Variants in SKIC2 observed in about 807,000 individuals in gnomAD.
The protein encoded by SKIC2 is SKI2 subunit of superkiller complex, also known as superkiller complex protein 2.
chr6:31,968,689 C>A, the SKIC2 span: 77 of 1,612,150 alleles, frequency 4.8e-5, 4 homozygotes, highest in African/African-American at 4.9e-4. The surrounding 1 kb of genome is among the most constrained non-coding windows in gnomAD (Gnocchi z 6.1). Flanking sequence ...TCTGCAGTAC[C>A]TGAAGCTGCG....
the SKIC2 span, chr6:31,969,388 G>A: frequency 6.2e-7 from 1 of 1,614,224 alleles, no homozygotes; most frequent in Non-Finnish European, 8.5e-7. This position sits in a 1 kb window ranked among gnomAD's most constrained non-coding sequence, Gnocchi z 6.1. Context: ...TTTTGGGCTG[G>A]TTGAGGTTGT....
chr6:31,969,062 G>A, the SKIC2 span: 1 of 1,611,668 alleles, frequency 6.2e-7, no homozygotes, highest in Non-Finnish European at 8.5e-7. This position sits in a 1 kb window ranked among gnomAD's most constrained non-coding sequence, Gnocchi z 6.1. Context: ...GGGACGCTGG[G>A]GATCAGCTCC....
At chr6:31,963,494 C>G in the SKIC2 span, 5 of 1,612,074 alleles carry the variant, frequency 3.1e-6, no homozygotes, top group Non-Finnish European at 4.2e-6. The surrounding 1 kb of genome is among the most constrained non-coding windows in gnomAD (Gnocchi z 5.3). Flanking sequence ...TCACAGGGAA[C>G]AGCTCCAAGA....
chr6:31,968,958 C>T, the SKIC2 span: 1 of 1,612,966 alleles, frequency 6.2e-7, no homozygotes, highest in East Asian at 2.2e-5. The surrounding 1 kb of genome is among the most constrained non-coding windows in gnomAD (Gnocchi z 6.1). Flanking sequence ...CCATGAGTTG[C>T]TCCTCACTGA....
chr6:31,962,921 C>T, the SKIC2 span: 1 of 1,385,180 alleles, frequency 7.2e-7, no homozygotes, highest in Non-Finnish European at 1.0e-6. The surrounding 1 kb of genome is among the most constrained non-coding windows in gnomAD (Gnocchi z 5.0). Flanking sequence ...GAATCCTGTG[C>T]CTCTTTATGG....
chr6:31,960,791 C>G, the SKIC2 span: 1 of 1,304,958 alleles, frequency 7.7e-7, no homozygotes, highest in Non-Finnish European at 1.1e-6. Flanking sequence ...CCCAGGCTAT[C>G]ACTGGGCTAC....
the SKIC2 span, chr6:31,961,872 C>T: frequency 6.2e-7 from 1 of 1,609,478 alleles, no homozygotes. Flanking sequence ...AGGCCCCGCT[C>T]CTTTCTTCAG....
the SKIC2 span, chr6:31,969,243 A>T: frequency 6.2e-7 from 1 of 1,610,908 alleles, no homozygotes; most frequent in Non-Finnish European, 8.5e-7. This position sits in a 1 kb window ranked among gnomAD's most constrained non-coding sequence, Gnocchi z 6.1. Flanking sequence ...GTCCTGGAGC[A>T]GGAAGGCAGG....
At chr6:31,959,260 T>A in the SKIC2 span, 1 of 1,608,198 alleles carries the variant, frequency 6.2e-7, no homozygotes, top group Non-Finnish European at 8.5e-7. Flanking sequence ...CGATATGGAA[T>A]GAACTTTGAC....
the SKIC2 span, chr6:31,967,266 T>C: frequency 5.1e-4 from 824 of 1,612,598 alleles, no homozygotes; most frequent in Non-Finnish European, 6.6e-4. The surrounding 1 kb of genome is among the most constrained non-coding windows in gnomAD (Gnocchi z 4.9). Flanking sequence ...TGTCCTTTGC[T>C]CTTCAGCGAC....
At chr6:31,959,927 C>A in the SKIC2 span, 1 of 1,011,508 alleles carries the variant, frequency 9.9e-7, no homozygotes, top group Admixed American at 1.8e-5. Flanking sequence ...CATTTCTGAT[C>A]TGAACACAAG....
chr6:31,968,456 T>C, the SKIC2 span: 1 of 1,612,762 alleles, frequency 6.2e-7, no homozygotes, highest in Non-Finnish European at 8.5e-7. The surrounding 1 kb of genome is among the most constrained non-coding windows in gnomAD (Gnocchi z 6.1). Flanking sequence ...ATGTCAGTTG[T>C]AGAGGGTGGG....
At chr6:31,968,228 G>A in the SKIC2 span, 3 of 1,426,824 alleles carry the variant, frequency 2.1e-6, no homozygotes, top group Admixed American at 3.5e-5. This position sits in a 1 kb window ranked among gnomAD's most constrained non-coding sequence, Gnocchi z 6.1. Flanking sequence ...AAGGGAGACT[G>A]TGAAGTGGAG....
chr6:31,960,615 T>C, the SKIC2 span: 1 of 1,582,004 alleles, frequency 6.3e-7, no homozygotes, highest in Non-Finnish European at 8.7e-7. Context: ...TCCCCACCTA[T>C]CTCGTATTAC....
chr6:31,962,160 G>A, the SKIC2 span: 3 of 1,216,222 alleles, frequency 2.5e-6, no homozygotes, highest in Non-Finnish European at 2.4e-6. The surrounding 1 kb of genome is among the most constrained non-coding windows in gnomAD (Gnocchi z 5.0). Flanking sequence ...CATCCTTTAA[G>A]TGAGAGGTTC....
chr6:31,961,058 C>T, the SKIC2 span: 5 of 1,612,526 alleles, frequency 3.1e-6, no homozygotes, highest in Non-Finnish European at 2.5e-6. Flanking sequence ...TACTATTCCA[C>T]CTGGTTTCAA....
At chr6:31,963,322 T>A in the SKIC2 span, 1 of 1,237,366 alleles carries the variant, frequency 8.1e-7, no homozygotes, top group Non-Finnish European at 1.1e-6. This position sits in a 1 kb window ranked among gnomAD's most constrained non-coding sequence, Gnocchi z 5.3. Flanking sequence ...CAGAAAAGAC[T>A]GGGTAAAGTT....
At chr6:31,962,639 T>C in the SKIC2 span, 6 of 1,608,106 alleles carry the variant, frequency 3.7e-6, no homozygotes, top group African/African-American at 1.3e-5. The surrounding 1 kb of genome is among the most constrained non-coding windows in gnomAD (Gnocchi z 5.0). Context: ...ATGTGGCCGT[T>C]GTGGAGAGTG....
the SKIC2 span, chr6:31,967,749 C>T: frequency 1.9e-6 from 3 of 1,612,968 alleles, no homozygotes; most frequent in African/African-American, 1.3e-5. This position sits in a 1 kb window ranked among gnomAD's most constrained non-coding sequence, Gnocchi z 4.9. Flanking sequence ...GTATTCACAA[C>T]CCTGGTCTTG....
Sources: allele counts gnomAD v4.1 joint callset, GRCh38; gene constraint gnomAD v4.1.1; non-coding constraint Gnocchi (gnomAD v3.1); transcripts MANE v1.5; gene names NCBI Gene and HGNC (gene_info 2026-07-23, HGNC 2026-07-21).